GALNS: variants seen among roughly 807,000 people sequenced by gnomAD.
The protein encoded by GALNS is N-acetylgalactosamine-6-sulfatase.
Under a neutral mutation model 65.9 loss-of-function variants are expected in GALNS, and 65 were observed. That is an observed-to-expected ratio of 0.99 (90% CI 0.81 to 1.21). The LOEUF (loss-of-function observed/expected upper bound fraction) is 1.21, where lower values mean the gene tolerates loss of function less well. Among genes scored for constraint, GALNS ranks in the 50% most tolerant of loss-of-function variants. The pLI, the probability that GALNS is intolerant of heterozygous loss-of-function variation, is 0.00. For synonymous variants in GALNS, 346 were observed against 288.9 expected, an observed-to-expected ratio of 1.20 and a Z score of -2.00; for missense variants, 776 against 700.7, an observed-to-expected ratio of 1.11 and a Z score of -1.21.
intron 12 of GALNS, among the ~76,000 whole-genome samples, chr16:88,819,958 C>T (rs1305383477): frequency 1.3e-5 from 2 of 152,032 alleles, no homozygotes; most frequent in Non-Finnish European, 2.9e-5. Context: ...TCCCAAAGTG[C>T]TGGGATTACA....
At chr16:88,828,164 C>T (rs1252248574) in intron 9 of GALNS, among the ~76,000 whole-genome samples, 1 of 152,214 alleles carries the variant, frequency 6.6e-6, no homozygotes, top group Non-Finnish European at 1.5e-5. Context: ...GTCTGTGCGA[C>T]TGCTTCCCGT....
intron 13 of GALNS, chr16:88,815,788 G>A (rs1364188557): frequency 2.0e-6 from 2 of 985,306 alleles, no homozygotes; most frequent in Non-Finnish European, 2.4e-6. Context: ...AGCAGGAGTG[G>A]GTTTGGGTGA....
chr16:88,824,034 A>C (rs2142993265), intron 11 of GALNS, among the ~76,000 whole-genome samples: 1 of 152,258 alleles, frequency 6.6e-6, no homozygotes, highest in South Asian at 2.1e-4. Context: ...CTGGGTGCTC[A>C]GCCCTCAGCC....
rs1295162107 is a variant in GALNS, at chr16:88,822,689, G to T, written c.1264C>A (p.Gln422Lys). 6.2e-7 allele frequency: 1 copy of T among 1,612,816 alleles called. No individual in the cohort carries two copies. Among genetic ancestry groups the T allele is most frequent in the East Asian group, 2.2e-5 (1 of 44,842 alleles). The change falls in exon 12 of 14, where the codon CAG (glutamine) becomes AAG (lysine). Residue 422 changes from glutamine (Q) to lysine (K), a missense_variant. Coordinates refer to ENST00000268695, the MANE Select transcript of GALNS (RefSeq NM_000512.5). ...FRQGIDFCPG[Q>K]NVSGVTTHNL... ...TGAGTTGTGACCCCTGAAACGTTCT[G>T]CCCAGGGCAGAAATCAATGCCCTGC... is the stretch of plus-strand genomic sequence containing the variant.
intron 8 of GALNS, among the ~76,000 whole-genome samples, chr16:88,833,515 G>C (rs181726511): frequency 6.7e-6 from 1 of 149,590 alleles, no homozygotes; most frequent in Non-Finnish European, 1.5e-5. Context: ...GCAGTGGTGC[G>C]ATCTCGGCTC....
At chr16:88,836,659 A>T (rs984444331) in intron 5 of GALNS, among the ~76,000 whole-genome samples, 12 of 151,966 alleles carry the variant, frequency 7.9e-5, no homozygotes, top group Admixed American at 7.9e-4. Flanking sequence ...GTCTCAAGAA[A>T]AAAAAAAAAA....
At chr16:88,843,358 C>T (rs1043169941) in intron 1 of GALNS, 6 of 523,058 alleles carry the variant, frequency 1.1e-5, no homozygotes, top group African/African-American at 4.0e-5. Context: ...CTGAAACTTA[C>T]GTCCACACGC....
intron 13 of GALNS, chr16:88,816,019 C>T (rs928951183): frequency 1.0e-6 from 1 of 985,230 alleles, no homozygotes. Flanking sequence ...GTAAGGAGGG[C>T]CCCCAGGCTT....
At chr16:88,816,686 C>T (rs183937791) in intron 13 of GALNS, 2 of 985,446 alleles carry the variant, frequency 2.0e-6, no homozygotes, top group Non-Finnish European at 2.4e-6. Flanking sequence ...CGCCGGCCCA[C>T]GCTGTGGCTC....
chr16:88,826,446 C>A (rs1321457766), intron 10 of GALNS, among the ~76,000 whole-genome samples: 1 of 152,094 alleles, frequency 6.6e-6, no homozygotes, highest in Non-Finnish European at 1.5e-5. Context: ...CCTCTCCTGG[C>A]CTTGCCCTCC....
intron 1 of GALNS, chr16:88,843,685 G>A (rs1382618147): frequency 6.2e-6 from 1 of 161,964 alleles, no homozygotes; most frequent in Non-Finnish European, 1.4e-5. Context: ...GCCTGAGGGG[G>A]AGGGGCCCGG....
intron 1 of GALNS, among the ~76,000 whole-genome samples, chr16:88,851,509 G>A (rs1055161028): frequency 6.6e-6 from 1 of 152,176 alleles, no homozygotes; most frequent in Non-Finnish European, 1.5e-5. Context: ...GGGACTGGTT[G>A]GACAGTGAGT....
At chr16:88,817,141 C>A (rs751427196) in intron 13 of GALNS, 1 of 985,364 alleles carries the variant, frequency 1.0e-6, no homozygotes, top group Non-Finnish European at 1.2e-6. Context: ...CCACTGCACA[C>A]GCGGGATGGC....
intron 1 of GALNS, among the ~76,000 whole-genome samples, chr16:88,847,978 C>T (rs1009171356): frequency 3.3e-5 from 5 of 152,242 alleles, no homozygotes; most frequent in East Asian, 1.9e-4. Flanking sequence ...CTCAGCCACA[C>T]GTGGTCCCTC....
rs752021223 is a variant in GALNS, at chr16:88,837,735, G to A, written c.453C>T (p.Pro151=). ...WHLGHRPQFH[P]LKHGFDEWFG... is the part of the protein sequence containing the mutation. ...ACCACTCATCAAATCCGTGCTTCAG[G>A]GGGTGGAACTGGGGCCTGTGACCCA... Residue 151 remains proline (P), a synonymous_variant, in exon 5 of 14, where the codon CCC becomes CCT. Coordinates refer to ENST00000268695, the MANE Select transcript of GALNS (RefSeq NM_000512.5). 6.2e-7 allele frequency: 1 copy of A among 1,614,012 alleles called. No homozygotes were observed. The highest frequency in any genetic ancestry group is 8.5e-7 in the Non-Finnish European group (1 of 1,180,002).
At chr16:88,839,421 C>T (rs1222246548) in intron 4 of GALNS, among the ~76,000 whole-genome samples, 1 of 152,386 alleles carries the variant, frequency 6.6e-6, no homozygotes, top group Non-Finnish European at 1.5e-5. Flanking sequence ...CGTCCTTGTC[C>T]GAAAGCAGCA....
intron 9 of GALNS, 147 bp downstream of exon 9, chr16:88,831,851 G>C (rs1911534463): frequency 2.6e-5 from 16 of 621,170 alleles, no homozygotes; most frequent in Non-Finnish European, 4.5e-5. Flanking sequence ...TGGGGTGCGT[G>C]GAGGCTGAGC....
Position 88,828,941 on chromosome 16 carries a change from C to T in GALNS, c.1003-2103G>A, listed in dbSNP as rs567394618. Among the ~76,000 whole-genome samples the T allele has an allele frequency of 7.9e-5, 12 of 152,240 alleles. 1 individual carries two copies. The highest frequency in any genetic ancestry group is 6.8e-3 in the Middle Eastern group (2 of 294). On this transcript the variant is annotated intron_variant, in intron 9 of 13. Transcript: ENST00000268695. The stretch of plus-strand genomic sequence containing the variant: ...GGGAACCTCACATCTCCCAGACCTA[C>T]GCAGGTCCCGAGTCTCATGCCATCG...
chr16:88,834,476 T>C (rs111301984), intron 8 of GALNS, among the ~76,000 whole-genome samples: 82 of 94,806 alleles, frequency 8.6e-4, no homozygotes, highest in African/African-American at 3.4e-3. Flanking sequence ...CCGTGTGGTC[T>C]GGGAAGAGGC....
Sources: allele counts gnomAD v4.1 joint callset (sites outside exome capture counted in the v4.1 genomes callset), GRCh38; gene constraint gnomAD v4.1.1; transcripts MANE v1.5; gene names NCBI Gene and HGNC (gene_info 2026-07-23, HGNC 2026-07-21).